Variants in SCLT1 observed in about 807,000 individuals in gnomAD.
SCLT1 encodes the protein sodium channel-associated protein 1.
A neutral mutation model predicts 112.8 loss-of-function variants in SCLT1; 78 were observed. That is an observed-to-expected ratio of 0.69 (90% confidence interval 0.58 to 0.83). The LOEUF (loss-of-function observed/expected upper bound fraction) is 0.83, where lower values mean the gene tolerates loss of function less well. Ranked by LOEUF, SCLT1 falls within the 40% of genes least tolerant of loss-of-function variation. The pLI, the probability that SCLT1 is intolerant of heterozygous loss-of-function variation, is 0.00. For synonymous variants in SCLT1, 257 were observed against 254.7 expected (o/e 1.01, Z -0.09); for missense variants, 747 against 770.4 (o/e 0.97, Z 0.36).
intron 10 of SCLT1, among the ~76,000 whole-genome samples, chr4:128,969,701 AG>A (rs2126031652): frequency 6.6e-6 from 1 of 152,336 alleles, no homozygotes; most frequent in East Asian, 1.9e-4. Flanking sequence ...GAGAACCATC[AG>A]GCCAGACATC....
intron 14 of SCLT1, among the ~76,000 whole-genome samples, chr4:128,951,547 A>G (rs1050074505): frequency 2.0e-5 from 3 of 152,172 alleles, no homozygotes; most frequent in Non-Finnish European, 2.9e-5. Context: ...CCTTGAGAAT[A>G]CAGAAAGAAT....
intron 1 of SCLT1, among the ~76,000 whole-genome samples, chr4:129,090,497 T>A (rs925692462): frequency 4.6e-5 from 7 of 152,074 alleles, no homozygotes; most frequent in Non-Finnish European, 1.0e-4. Flanking sequence ...ACTATAAAAC[T>A]CCTAGAAGAA....
At chr4:129,036,517 T>C (rs1386874308) in intron 5 of SCLT1, 4 of 151,800 alleles carry the variant, frequency 2.6e-5, no homozygotes, top group African/African-American at 9.7e-5. Flanking sequence ...TGGAAAAGAA[T>C]AGTAAATCAT....
At chr4:128,964,886 A>G (rs1240485297) in intron 11 of SCLT1, among the ~76,000 whole-genome samples, 1 of 152,222 alleles carries the variant, frequency 6.6e-6, no homozygotes, top group Non-Finnish European at 1.5e-5. Context: ...GCTCTGCAGT[A>G]CTGATACAAA....
intron 5 of SCLT1, among the ~76,000 whole-genome samples, chr4:129,031,531 T>C (rs1354035205): frequency 2.0e-5 from 3 of 152,132 alleles, no homozygotes; most frequent in African/African-American, 7.2e-5. Flanking sequence ...TGTGTCTGTT[T>C]GACTGCAACA....
At position 128,953,956 on chromosome 4, in the gene SCLT1, T is replaced by C. The variant is rs147380757; in HGVS notation, c.1147-1116A>G. On this transcript the variant is annotated intron_variant, in intron 13 of 20. Coordinates refer to ENST00000281142, the MANE Select transcript of SCLT1 (RefSeq NM_144643.4). Reference sequence around the variant, plus strand: ...ATTTAATAACATTTAATAAGTAACATTTAATAAAATTTAATTAACATTTAA... The same window carrying C: ...ATTTAATAACATTTAATAAGTAACACTTAATAAAATTTAATTAACATTTAA... Among the ~76,000 whole-genome samples the C allele has an allele frequency of 8.9e-4, 135 of 152,284 alleles. 2 individuals carry two copies. Among genetic ancestry groups the C allele is most frequent in the African/African-American group, 3.1e-3 (130 of 41,568 alleles).
chr4:128,951,602 T>A (rs1316769891), intron 14 of SCLT1, among the ~76,000 whole-genome samples: 2 of 152,130 alleles, frequency 1.3e-5, no homozygotes, highest in African/African-American at 4.8e-5. Context: ...TAAATGATCT[T>A]GGACTGGGGT....
intron 5 of SCLT1, among the ~76,000 whole-genome samples, chr4:129,024,648 T>C (rs1265878667): frequency 6.6e-6 from 1 of 152,162 alleles, no homozygotes; most frequent in Admixed American, 6.5e-5. Context: ...GCGACTCTCC[T>C]CCTCCAAAGG....
intron 3 of SCLT1, among the ~76,000 whole-genome samples, chr4:128,876,956 T>G (rs904547144): frequency 2.0e-5 from 3 of 152,254 alleles, no homozygotes; most frequent in African/African-American, 7.2e-5. Context: ...TTTGCTTCGA[T>G]CCCACCACCA....
chr4:129,089,855 G>A (rs939772932), intron 1 of SCLT1, among the ~76,000 whole-genome samples: 5 of 139,904 alleles, frequency 3.6e-5, no homozygotes, highest in East Asian at 4.3e-4. Context: ...ACACACCGGG[G>A]CCTGTTGGGG....
chr4:128,885,736 G>A (rs1732845499), intron 20 of SCLT1, among the ~76,000 whole-genome samples: 1 of 152,186 alleles, frequency 6.6e-6, no homozygotes, highest in Non-Finnish European at 1.5e-5. Context: ...GCCAAACTGT[G>A]CTCCGGAGAC....
intron 11 of SCLT1, among the ~76,000 whole-genome samples, chr4:128,964,191 A>G (rs1739980781): frequency 6.6e-6 from 1 of 152,188 alleles, no homozygotes; most frequent in Non-Finnish European, 1.5e-5. Context: ...TGAAATGTGT[A>G]GGGACATTTG....
chr4:129,055,095 G>A (rs902107453), intron 2 of SCLT1, among the ~76,000 whole-genome samples: 3 of 152,206 alleles, frequency 2.0e-5, no homozygotes, highest in Non-Finnish European at 2.9e-5. Flanking sequence ...ATTAGCAGAG[G>A]CTGCAGAACA....
At chr4:128,915,775 A>G (rs910282128) in intron 18 of SCLT1, among the ~76,000 whole-genome samples, 7 of 152,204 alleles carry the variant, frequency 4.6e-5, no homozygotes, top group African/African-American at 1.4e-4. Context: ...CTAGTGCTGG[A>G]CACTCTTTTA....
chr4:128,887,710 T>C (rs542104055), intron 20 of SCLT1, among the ~76,000 whole-genome samples: 2 of 152,304 alleles, frequency 1.3e-5, no homozygotes, highest in African/African-American at 4.8e-5. Flanking sequence ...TTATATGATG[T>C]GTGTGTATTA....
chr4:128,952,219 G>T, intron 14 of SCLT1: 1 of 397,410 alleles, frequency 2.5e-6, no homozygotes, highest in Non-Finnish European at 4.9e-6. Context: ...AAAGATGAAA[G>T]TTTGTGAAGT....
intron 2 of SCLT1, among the ~76,000 whole-genome samples, chr4:129,053,065 T>C (rs1748971039): frequency 6.6e-6 from 1 of 152,232 alleles, no homozygotes; most frequent in South Asian, 2.1e-4. Flanking sequence ...TCCTGAGTTC[T>C]AATTCGATTG....
intron 11 of SCLT1, among the ~76,000 whole-genome samples, chr4:128,961,711 C>T (rs1221290640): frequency 1.3e-5 from 2 of 152,054 alleles, no homozygotes; most frequent in Non-Finnish European, 2.9e-5. Context: ...AAAAGTATTT[C>T]CCCCAAAGGT....
intron 7 of SCLT1, among the ~76,000 whole-genome samples, chr4:128,998,936 A>G (rs190173309): frequency 2.0e-5 from 3 of 152,078 alleles, no homozygotes; most frequent in African/African-American, 7.2e-5. Flanking sequence ...CTCAAAATAC[A>G]TAGAAAAGAG....
Sources: gnomAD v4.1 joint callset for allele counts (sites outside exome capture counted in the v4.1 genomes callset) on GRCh38, gnomAD v4.1.1 for gene constraint, MANE v1.5 for transcripts, NCBI Gene and HGNC (gene_info 2026-07-23, HGNC 2026-07-21) for gene names.